Variants in PLCH1 observed in about 807,000 individuals in gnomAD.
PLCH1 encodes the protein 1-phosphatidylinositol 4,5-bisphosphate phosphodiesterase eta-1.
In PLCH1, 60 loss-of-function variants were observed where a neutral mutation model predicts 126.7. That is an observed-to-expected ratio of 0.47 (90% CI 0.38 to 0.59). The LOEUF is 0.59. Among genes scored for constraint, PLCH1 ranks in the 20% least tolerant of loss-of-function variants. The probability of loss-of-function intolerance (pLI) is 0.00; values close to 1 mark genes in which losing one functional copy is unlikely to be tolerated. For synonymous variants in PLCH1, 719 were observed against 734.9 expected, an observed-to-expected ratio of 0.98 and a Z score of 0.35; for missense variants, 1,723 against 2,040.0, an observed-to-expected ratio of 0.84 and a Z score of 2.99.
At chr3:155,561,476 T>C (rs1727606484) in intron 8 of PLCH1, among the ~76,000 whole-genome samples, 1 of 151,826 alleles carries the variant, frequency 6.6e-6, no homozygotes, top group South Asian at 2.1e-4. Context: ...TCATTTTTTA[T>C]GGCTGCATAG....
At chr3:155,490,723 T>A (rs1262571270) in intron 19 of PLCH1, 61 bp downstream of exon 19, 2 of 929,218 alleles carry the variant, frequency 2.2e-6, no homozygotes, top group East Asian at 2.4e-5. Context: ...ACACTTTTTT[T>A]AGTGTAAATT....
chr3:155,510,223 T>A (rs1226809741), intron 12 of PLCH1, among the ~76,000 whole-genome samples: 3 of 110,286 alleles, frequency 2.7e-5, no homozygotes, highest in Non-Finnish European at 5.3e-5. Context: ...TCTTCCTCCA[T>A]CCTTTTATTT....
chr3:155,726,848 A>G (rs1748366881), intron 1 of PLCH1, among the ~76,000 whole-genome samples: 1 of 149,252 alleles, frequency 6.7e-6, no homozygotes, highest in Non-Finnish European at 1.5e-5. Flanking sequence ...GGCACGCGCC[A>G]TCCCACCCGG....
At chr3:155,596,465 A>C in intron 2 of PLCH1, 87 bp from the exon 3 acceptor site, 1 of 1,114,374 alleles carries the variant, frequency 9.0e-7, no homozygotes, top group Non-Finnish European at 1.3e-6. Context: ...AAAACCTCTG[A>C]TTCACCTGCA....
chr3:155,575,483 T>A (rs1381837016), intron 6 of PLCH1, among the ~76,000 whole-genome samples: 1 of 152,196 alleles, frequency 6.6e-6, no homozygotes, highest in East Asian at 1.9e-4. Context: ...TGTATAGATC[T>A]ATATCAGATT....
intron 2 of PLCH1, among the ~76,000 whole-genome samples, chr3:155,693,130 T>C (rs1745537416): frequency 6.6e-6 from 1 of 151,936 alleles, no homozygotes; most frequent in Non-Finnish European, 1.5e-5. Context: ...TAACCAGATA[T>C]GAGAATCACT....
At chr3:155,550,832 A>G (rs918734942) in intron 9 of PLCH1, among the ~76,000 whole-genome samples, 1 of 152,218 alleles carries the variant, frequency 6.6e-6, no homozygotes, top group Non-Finnish European at 1.5e-5. Context: ...TAATATATCA[A>G]TGTGCAGAAA....
chr3:155,499,120 G>A (rs889483477), intron 14 of PLCH1, among the ~76,000 whole-genome samples: 3 of 152,212 alleles, frequency 2.0e-5, no homozygotes, highest in Admixed American at 6.5e-5. Context: ...TGGGTGTGAA[G>A]AGGTATTCCA....
At chr3:155,561,332 GT>G (rs1426720418) in intron 8 of PLCH1, among the ~76,000 whole-genome samples, 1 of 136,444 alleles carries the variant, frequency 7.3e-6, no homozygotes, top group African/African-American at 2.8e-5. Flanking sequence ...CCCTTCCTGT[GT>G]CCATGTGCTC....
Position 155,680,266 on chromosome 3 carries a change from C to T in PLCH1, c.79+23880G>A, listed in dbSNP as rs1243711412. ...AGTGTGGTGGCGTGAACCTGTAGTCCCAGCTACTCAGGAGGCTGAGGCAGG... is the reference window on the plus strand; with the variant it reads ...AGTGTGGTGGCGTGAACCTGTAGTCTCAGCTACTCAGGAGGCTGAGGCAGG... On this transcript the variant is annotated intron_variant, in intron 2 of 22. Coordinates refer to ENST00000460012, the MANE Select transcript of PLCH1 (RefSeq NM_014996.4). Among the ~76,000 whole-genome samples the T allele has an allele frequency of 4.0e-5, 6 of 151,830 alleles. No individual in the cohort carries two copies. The East Asian group carries it at 1.2e-3, about 29-fold the overall frequency.
intron 4 of PLCH1, among the ~76,000 whole-genome samples, chr3:155,590,722 C>T (rs1193837000): frequency 1.3e-5 from 2 of 152,208 alleles, no homozygotes; most frequent in African/African-American, 2.4e-5. Flanking sequence ...TGCACTCCAG[C>T]CTGGGTGACA....
At chr3:155,533,685 C>T (rs888702349) in intron 10 of PLCH1, among the ~76,000 whole-genome samples, 2 of 152,194 alleles carry the variant, frequency 1.3e-5, no homozygotes, top group Non-Finnish European at 2.9e-5. Flanking sequence ...ATGTCAGTAA[C>T]CTTCATGGCA....
intron 5 of PLCH1, among the ~76,000 whole-genome samples, chr3:155,585,291 T>A (rs1003628672): frequency 2.6e-5 from 4 of 152,178 alleles, no homozygotes; most frequent in Non-Finnish European, 1.5e-5. Context: ...AAACATCATA[T>A]TGCCCTCCTA....
At chr3:155,730,012 A>G (rs1314441735) in intron 1 of PLCH1, among the ~76,000 whole-genome samples, 1 of 152,192 alleles carries the variant, frequency 6.6e-6, no homozygotes, top group African/African-American at 2.4e-5. Context: ...TAATAGTCAT[A>G]ATAAAAATTA....
intron 14 of PLCH1, among the ~76,000 whole-genome samples, chr3:155,498,034 C>A (rs1477555937): frequency 2.0e-5 from 3 of 152,118 alleles, no homozygotes. Flanking sequence ...AAATTGTATG[C>A]CATTCTTAGT....
intron 12 of PLCH1, among the ~76,000 whole-genome samples, chr3:155,506,107 C>A (rs1718638744): frequency 6.6e-6 from 1 of 152,030 alleles, no homozygotes; most frequent in Non-Finnish European, 1.5e-5. Flanking sequence ...ACCTATTATA[C>A]CCTAAGGATA....
intron 1 of PLCH1, among the ~76,000 whole-genome samples, chr3:155,721,544 T>A (rs141640738): frequency 0.029 from 4,431 of 152,304 alleles, 115 homozygotes; most frequent in East Asian, 0.085. Flanking sequence ...AGCTACTGAT[T>A]TGTGTACATT....
chr3:155,544,586 T>A (rs1354020702), intron 10 of PLCH1, among the ~76,000 whole-genome samples: 3 of 152,148 alleles, frequency 2.0e-5, no homozygotes, highest in Non-Finnish European at 2.9e-5. Flanking sequence ...GAATATAAAT[T>A]TTTTTCAGCA....
intron 2 of PLCH1, among the ~76,000 whole-genome samples, chr3:155,668,445 G>C (rs1473324454): frequency 6.6e-6 from 1 of 152,106 alleles, no homozygotes; most frequent in Non-Finnish European, 1.5e-5. Context: ...CATGCATGGG[G>C]TTTTATAAAC....
Sources: gnomAD v4.1 joint callset for allele counts (sites outside exome capture counted in the v4.1 genomes callset) on GRCh38, gnomAD v4.1.1 for gene constraint, MANE v1.5 for transcripts, NCBI Gene and HGNC (gene_info 2026-07-23, HGNC 2026-07-21) for gene names.